FCSK: variants seen among roughly 807,000 people sequenced by gnomAD.
The protein encoded by FCSK is L-fucose kinase.
A neutral mutation model predicts 122.5 loss-of-function variants in FCSK; 123 were observed. The observed-to-expected ratio is 1.00, with a 90% CI of 0.87 to 1.17. The LOEUF is 1.17. FCSK is among the 50% of genes most tolerant of loss of function. The pLI is 0.00. For missense variants in FCSK, 1,366 were observed against 1,450.4 expected (o/e 0.94, Z 0.95); for synonymous variants, 620 against 625.5 (o/e 0.99, Z 0.13).
Position 70,475,508 on chromosome 16 carries a change from C to T in FCSK, c.2521+15C>T, listed in dbSNP as rs1305017571. On this transcript the variant is annotated intron_variant, in intron 19 of 23. Transcript: ENST00000288078. Reference sequence around the variant, plus strand: ...CTCTGGCCTGGGTGAGCGGGCCCTGCCTCCTGCTACCCACCGACTGTTACA... The same window carrying T: ...CTCTGGCCTGGGTGAGCGGGCCCTGTCTCCTGCTACCCACCGACTGTTACA... 2.7e-5 allele frequency: 44 copies of T among 1,600,290 alleles called. No individual in the cohort carries two copies. The highest frequency in any genetic ancestry group is 3.6e-5 in the Non-Finnish European group (42 of 1,176,894).
intron 10 of FCSK, among the ~76,000 whole-genome samples, chr16:70,469,817 G>A (rs930018633): frequency 2.0e-5 from 3 of 151,068 alleles, no homozygotes; most frequent in Non-Finnish European, 4.4e-5. Flanking sequence ...ACAGGCATGA[G>A]CCACCATGCC....
At chr16:70,459,380 T>TACAAAAATTAGTCAGGCGTGG (rs2048192088) in intron 1 of FCSK, among the ~76,000 whole-genome samples, 1 of 151,776 alleles carries the variant, frequency 6.6e-6, no homozygotes, top group East Asian at 1.9e-4. Flanking sequence ...TTACTAAAAA[T>TACAAAAATTAGTCAGGCGTGG]ACAAAAATTA....
intron 1 of FCSK, among the ~76,000 whole-genome samples, chr16:70,457,340 C>T (rs893320484): frequency 1.7e-4 from 26 of 152,154 alleles, no homozygotes; most frequent in African/African-American, 5.3e-4. Flanking sequence ...CTGCAGCCTC[C>T]GTCTCCTGGG....
At chr16:70,455,090 C>A (rs1017310236) in intron 1 of FCSK, 1 of 152,262 alleles carries the variant, frequency 6.6e-6, no homozygotes, top group African/African-American at 2.4e-5. Flanking sequence ...CAAGTAACTT[C>A]TTTCGGTCTG....
intron 8 of FCSK, 104 bp from the exon 9 acceptor site, chr16:70,468,742 GGTA>G: frequency 1.4e-6 from 2 of 1,406,040 alleles, no homozygotes; most frequent in Non-Finnish European, 2.0e-6. Flanking sequence ...CTCCCTGCCT[GGTA>G]TGGCACTCAG....
In FCSK at chr16:70,473,253, G is replaced by A; in HGVS notation, c.1677G>A (p.Arg559=). ...LFFRQALHKA[R]HVLEARQDLS... is the part of the protein sequence containing the mutation. ...TCCGCCAGGCCCTGCATAAGGCGCGGCACGTGCTGGAGGCCCGGCAGGACC... is the reference window on the plus strand; with the variant it reads ...TCCGCCAGGCCCTGCATAAGGCGCGACACGTGCTGGAGGCCCGGCAGGACC... The change falls in exon 15 of 24, where the codon CGG becomes CGA. Residue 559 remains arginine, a synonymous_variant. Coordinates refer to ENST00000288078, the MANE Select transcript of FCSK (RefSeq NM_145059.3). This position sits in a 1 kb window ranked among gnomAD's most constrained non-coding sequence, Gnocchi z 4.9. The A allele has an allele frequency of 5.9e-6, 9 of 1,532,912 alleles. No homozygotes were observed. Among genetic ancestry groups the A allele is most frequent in the Non-Finnish European group, 7.9e-6 (9 of 1,144,016 alleles). 95.0% of individuals were successfully genotyped at this position (1,532,912 alleles called of 1,614,324 possible).
chr16:70,471,417 G>C, intron 13 of FCSK, 65 bp downstream of exon 13: 1 of 1,462,388 alleles, frequency 6.8e-7, no homozygotes, highest in Non-Finnish European at 9.2e-7. Context: ...AGGAGTCCTG[G>C]CCCCCACCCC....
chr16:70,475,079 T>G (rs2048761428), intron 18 of FCSK, 68 bp downstream of exon 18: 2 of 1,408,198 alleles, frequency 1.4e-6, no homozygotes. Flanking sequence ...AGCTAGAGAC[T>G]GCAGGCCAGT....
chr16:70,466,552 C>G, intron 5 of FCSK: 1 of 483,288 alleles, frequency 2.1e-6, no homozygotes, highest in Non-Finnish European at 3.7e-6. Flanking sequence ...AAAAAATTAC[C>G]TGGGCATGAT....
rs768772315 is a variant in FCSK at position 70,463,284 on chromosome 16, C to T, written c.82+12C>T. 1.4e-5 allele frequency: 22 copies of T among 1,607,226 alleles called. No individual in the cohort carries two copies. The highest frequency in any genetic ancestry group is 1.8e-5 in the Non-Finnish European group (21 of 1,174,342). On this transcript the variant is annotated intron_variant, in intron 2 of 23. Coordinates refer to ENST00000288078, the MANE Select transcript of FCSK (RefSeq NM_145059.3). Reference sequence around the variant, plus strand: ...GGTCTTTCAGAGAGGTAGGGGACTCCCCTTCCCACCTTGCCCCTAATGGAG... The same window carrying T: ...GGTCTTTCAGAGAGGTAGGGGACTCTCCTTCCCACCTTGCCCCTAATGGAG...
intron 1 of FCSK, among the ~76,000 whole-genome samples, chr16:70,457,031 T>C (rs764231169): frequency 6.7e-6 from 1 of 150,118 alleles, no homozygotes; most frequent in Non-Finnish European, 1.5e-5. Flanking sequence ...AAAAAAAAAA[T>C]AGATTAAGTA....
intron 1 of FCSK, among the ~76,000 whole-genome samples, chr16:70,460,198 G>A (rs559659423): frequency 2.1e-5 from 3 of 144,020 alleles, no homozygotes; most frequent in South Asian, 2.3e-4. Context: ...TGCAAGCTCC[G>A]CCTCCCGGGT....
At chr16:70,461,945 A>G (rs998944786) in intron 1 of FCSK, among the ~76,000 whole-genome samples, 1 of 152,170 alleles carries the variant, frequency 6.6e-6, no homozygotes, top group Non-Finnish European at 1.5e-5. Context: ...GACTATTCAC[A>G]TCTGCCAAAA....
intron 4 of FCSK, 86 bp downstream of exon 4, chr16:70,465,262 C>G (rs2048382341): frequency 7.7e-7 from 1 of 1,291,660 alleles, no homozygotes; most frequent in Non-Finnish European, 1.1e-6. Context: ...TGTTCTGCCA[C>G]TGTGTGTGTG....
At chr16:70,465,939 C>A (rs566383409) in intron 4 of FCSK, among the ~76,000 whole-genome samples, 193 bp from the exon 5 acceptor site, 2 of 152,186 alleles carry the variant, frequency 1.3e-5, no homozygotes, top group Admixed American at 1.3e-4. Flanking sequence ...GGCAACAGAG[C>A]AAGACTTAGT....
intron 10 of FCSK, 146 bp downstream of exon 10, chr16:70,469,469 G>GCTAC (rs2048540280): frequency 9.1e-6 from 6 of 660,858 alleles, no homozygotes; most frequent in Non-Finnish European, 1.5e-5. Context: ...CCCCCACTGA[G>GCTAC]CTACCTCCTT....
rs1175359563 is a variant in FCSK at position 70,470,960 on chromosome 16, T to G, written c.1069-11T>G. 6.4e-7 allele frequency: 1 copy of G among 1,569,364 alleles called. No individual in the cohort carries two copies. The highest frequency in any genetic ancestry group is 2.3e-5 in the East Asian group (1 of 43,232). On this transcript the variant is annotated splice_polypyrimidine_tract_variant and intron_variant, in intron 11 of 23. Coordinates refer to ENST00000288078, the MANE Select transcript of FCSK (RefSeq NM_145059.3). ...CGACCCCCCTCATGCTCCTCCTACC[T>G]GGCTGCACAGGAGCAGCAGCTTCTG... is the stretch of plus-strand genomic sequence containing the variant.
rs762120135 is a variant in FCSK at position 70,468,866 on chromosome 16, C to G, written c.681C>G (p.Phe227Leu). The G allele has an allele frequency of 3.7e-6, 6 of 1,614,124 alleles. No homozygotes were observed. The Admixed American group carries it at 1.0e-4, about 27-fold the overall frequency. Reference sequence around the variant, plus strand: ...CCTTCCAGGTCTCTGGGGTTGTCTTCTTCTCTGTGGAGACTGCCGAGCGCC... The same window carrying G: ...CCTTCCAGGTCTCTGGGGTTGTCTTGTTCTCTGTGGAGACTGCCGAGCGCC... ...GRVPLVSGVV[F>L]FSVETAERLL... The change falls in exon 9 of 24, where the codon TTC (phenylalanine) becomes TTG (leucine). Residue 227 changes from phenylalanine to leucine, a missense_variant. Phe to Leu is a conservative substitution (Grantham distance 22, BLOSUM62 0). Transcript: ENST00000288078.
chr16:70,457,329 A>T (rs968582166), intron 1 of FCSK, among the ~76,000 whole-genome samples: 2 of 151,944 alleles, frequency 1.3e-5, no homozygotes, highest in African/African-American at 4.8e-5. Context: ...ATCTTGGCTC[A>T]CTGCAGCCTC....
Sources: gnomAD v4.1 joint callset for allele counts (sites outside exome capture counted in the v4.1 genomes callset) on GRCh38, gnomAD v4.1.1 for gene constraint, Gnocchi (gnomAD v3.1) non-coding constraint, MANE v1.5 for transcripts, NCBI Gene and HGNC (gene_info 2026-07-23, HGNC 2026-07-21) for gene names.